Variants in DLGAP4 observed in about 807,000 individuals in gnomAD.
DLGAP4 encodes disks large-associated protein 4.
Under a neutral mutation model 86.9 loss-of-function variants are expected in DLGAP4, and 18 were observed. The observed-to-expected ratio is 0.21, with a 90% CI of 0.14 to 0.31. The LOEUF is 0.31. Ranked by LOEUF, DLGAP4 falls within the 10% of genes least tolerant of loss-of-function variation. DLGAP4 has a pLI of 1.00. For missense variants in DLGAP4, 1,085 were observed against 1,362.6 expected (o/e 0.80, Z 3.21); for synonymous variants, 548 against 574.3 (o/e 0.95, Z 0.65).
At chr20:36,454,586 G>A (rs1300871338) in intron 7 of DLGAP4, among the ~76,000 whole-genome samples, 1 of 152,120 alleles carries the variant, frequency 6.6e-6, no homozygotes, top group African/African-American at 2.4e-5. Context: ...GGTCACCCCT[G>A]CTCAGAAGGC....
chr20:36,311,071 G>C (rs1383796560), intron 1 of DLGAP4, among the ~76,000 whole-genome samples: 3 of 152,178 alleles, frequency 2.0e-5, no homozygotes, highest in East Asian at 3.8e-4. Flanking sequence ...CTTTAGGGGT[G>C]TGCAGCACGT....
chr20:36,481,002 A>C (rs1054902255), intron 7 of DLGAP4, among the ~76,000 whole-genome samples: 12 of 150,370 alleles, frequency 8.0e-5, no homozygotes, highest in Admixed American at 6.6e-4. Context: ...AGACTGTCTC[A>C]AAAAAAAAAT....
intron 10 of DLGAP4, among the ~76,000 whole-genome samples, chr20:36,522,641 C>A (rs2037448614): frequency 6.6e-6 from 1 of 152,198 alleles, no homozygotes; most frequent in African/African-American, 2.4e-5. Flanking sequence ...ATCTCAGCCT[C>A]CCAAATAGCT....
chr20:36,525,361 G>A (rs2037683182), intron 11 of DLGAP4: 2 of 182,336 alleles, frequency 1.1e-5, no homozygotes, highest in Non-Finnish European at 2.3e-5. Context: ...GGGCTGTTCT[G>A]CCTGTGGGAA....
chr20:36,480,001 C>G (rs1260112621), intron 7 of DLGAP4, among the ~76,000 whole-genome samples: 2 of 152,104 alleles, frequency 1.3e-5, no homozygotes, highest in Non-Finnish European at 2.9e-5. Flanking sequence ...CCTCACCTGC[C>G]AAGCCCTTTC....
intron 1 of DLGAP4, among the ~76,000 whole-genome samples, chr20:36,344,451 C>T (rs1352532870): frequency 4.6e-5 from 7 of 152,198 alleles, no homozygotes; most frequent in African/African-American, 1.7e-4. Context: ...TACCACATGC[C>T]TCATCTGCAC....
chr20:36,353,898 A>C (rs561743568), intron 1 of DLGAP4, among the ~76,000 whole-genome samples: 1 of 152,322 alleles, frequency 6.6e-6, no homozygotes, highest in East Asian at 1.9e-4. Flanking sequence ...CATCATGTCC[A>C]TCTGAGTCAG....
Position 36,500,066 on chromosome 20 carries a change from C to T in DLGAP4, c.2100-133C>T. ...GAGATGGGGGCTGTGGGACCCGCTT[C>T]AGGCGCATGGTGAGCAGATGATGCA... On this transcript the variant is annotated intron_variant, in intron 9 of 12. Transcript: ENST00000339266. This position sits in a 1 kb window ranked among gnomAD's most constrained non-coding sequence, Gnocchi z 4.6. 1 of 1,098,956 alleles carries T rather than the reference C, an allele frequency of 9.1e-7. No individual in the cohort carries two copies. Among genetic ancestry groups the T allele is most frequent in the Non-Finnish European group, 1.3e-6 (1 of 782,852 alleles). 68.1% of individuals were successfully genotyped at this position (1,098,956 alleles called of 1,614,324 possible).
intron 10 of DLGAP4, among the ~76,000 whole-genome samples, chr20:36,511,497 C>G (rs749555217): frequency 7.2e-5 from 11 of 152,140 alleles, no homozygotes; most frequent in Non-Finnish European, 1.3e-4. Flanking sequence ...AGCCACTGCA[C>G]CTGGCCTCCT....
At chr20:36,311,178 A>G (rs1321628690) in intron 1 of DLGAP4, among the ~76,000 whole-genome samples, 1 of 148,760 alleles carries the variant, frequency 6.7e-6, no homozygotes, top group African/African-American at 2.6e-5. Context: ...CATTTGACAG[A>G]TGAGGAAACT....
intron 10 of DLGAP4, 78 bp from the exon 11 acceptor site, chr20:36,524,171 AG>A (rs2037558196): frequency 9.2e-7 from 1 of 1,090,070 alleles, no homozygotes; most frequent in East Asian, 2.4e-5. Context: ...GGAGTGTGGG[AG>A]GAGATTAAAA....
chr20:36,476,707 T>G (rs1181141732), intron 7 of DLGAP4, among the ~76,000 whole-genome samples: 1 of 127,584 alleles, frequency 7.8e-6, no homozygotes, highest in Non-Finnish European at 1.6e-5. Context: ...TTTTTTTGGT[T>G]TTTTTTTTTT....
At chr20:36,502,524 A>G (rs1281946459) in intron 10 of DLGAP4, among the ~76,000 whole-genome samples, 1 of 147,934 alleles carries the variant, frequency 6.8e-6, no homozygotes, top group Non-Finnish European at 1.5e-5. Flanking sequence ...CTAATTTTTA[A>G]ATTTTTTTGT....
intron 1 of DLGAP4, among the ~76,000 whole-genome samples, chr20:36,323,473 C>T (rs782051138): frequency 1.3e-5 from 2 of 152,100 alleles, no homozygotes; most frequent in African/African-American, 2.4e-5. Context: ...TTCCACTTAG[C>T]GAATATGTCA....
intron 1 of DLGAP4, among the ~76,000 whole-genome samples, chr20:36,355,924 C>A (rs1169283602): frequency 7.2e-5 from 11 of 152,202 alleles, no homozygotes; most frequent in African/African-American, 2.7e-4. Flanking sequence ...GCTCAGGCCC[C>A]AGGGTAAGCC....
chr20:36,386,973 G>A (rs2031620889), intron 2 of DLGAP4, among the ~76,000 whole-genome samples: 1 of 152,090 alleles, frequency 6.6e-6, no homozygotes, highest in Admixed American at 6.6e-5. Flanking sequence ...GTATTCCATT[G>A]TATGCTTATA....
chr20:36,311,234 G>A (rs953245918), intron 1 of DLGAP4, among the ~76,000 whole-genome samples: 1 of 120,180 alleles, frequency 8.3e-6, no homozygotes, highest in Non-Finnish European at 1.5e-5. Flanking sequence ...CTCGGAGGGT[G>A]GGGGGGGTGG....
At chr20:36,457,677 G>A (rs541234776) in intron 7 of DLGAP4, among the ~76,000 whole-genome samples, 6 of 151,766 alleles carry the variant, frequency 4.0e-5, no homozygotes, top group East Asian at 3.9e-4. Context: ...CACCACGCCC[G>A]GCCAATTTTC....
intron 1 of DLGAP4, among the ~76,000 whole-genome samples, chr20:36,324,492 AT>A (rs34978420): frequency 2.6e-5 from 4 of 152,054 alleles, no homozygotes; most frequent in East Asian, 3.9e-4. Context: ...ATTTTGAGTT[AT>A]TTTTTTGTGC....
Sources: allele counts gnomAD v4.1 joint callset (sites outside exome capture counted in the v4.1 genomes callset), GRCh38; gene constraint gnomAD v4.1.1; non-coding constraint Gnocchi (gnomAD v3.1); transcripts MANE v1.5; gene names NCBI Gene and HGNC (gene_info 2026-07-23, HGNC 2026-07-21).